Variants in SLC14A2 observed in about 807,000 individuals in gnomAD.
SLC14A2 encodes the protein solute carrier family 14 member 2, also known as urea transporter 2.
Under a neutral mutation model 104.6 loss-of-function variants are expected in SLC14A2, and 91 were observed. The observed-to-expected ratio is 0.87, with a 90% CI of 0.73 to 1.04. SLC14A2 has a LOEUF of 1.04. Ranked by LOEUF, SLC14A2 falls within the 50% of genes least tolerant of loss-of-function variation. The pLI is 0.00. For synonymous variants in SLC14A2, 476 were observed against 466.4 expected (o/e 1.02, Z -0.27); for missense variants, 1,189 against 1,156.0 (o/e 1.03, Z -0.41).
At chr18:45,366,401 ACAAT>A (rs2144340904) in intron 1 of SLC14A2, among the ~76,000 whole-genome samples, 1 of 152,272 alleles carries the variant, frequency 6.6e-6, no homozygotes, top group African/African-American at 2.4e-5. Context: ...AAGGCATGTG[ACAAT>A]CAGAGAGACA....
In SLC14A2 at chr18:45,682,567, C is replaced by T. The variant is rs3745007; in HGVS notation, c.*48C>T. 5.4e-5 allele frequency: 81 copies of T among 1,497,396 alleles called. No individual in the cohort carries two copies. The highest frequency in any genetic ancestry group is 6.9e-5 in the Non-Finnish European group (74 of 1,074,086). 92.8% of individuals were successfully genotyped at this position (1,497,396 alleles called of 1,614,324 possible). ...AGTGTAAATTCAGGCTTCAGCACGC[C>T]GTCCAGATCCCCAGGATAAGAGACC... is the stretch of plus-strand genomic sequence containing the variant. On this transcript the variant is annotated 3_prime_UTR_variant, in exon 20 of 20. Coordinates refer to ENST00000255226, the MANE Select transcript of SLC14A2 (RefSeq NM_007163.4).
rs72437878 is a variant in SLC14A2 at position 45,678,954 on chromosome 18, CTTTTT to C, written c.2513-9_2513-5del. ...TAAATAGTTACTGGTCTATTTCTTT[CTTTTT>C]TTTTTTTTTTTCTAGCACTGTTTGC... On this transcript the variant is annotated splice_polypyrimidine_tract_variant and intron_variant, in intron 18 of 19. Transcript: ENST00000255226. 12 of 1,435,806 alleles carry C rather than the reference CTTTTT, an allele frequency of 8.4e-6. No homozygotes were observed. Among genetic ancestry groups the C allele is most frequent in the South Asian group, 1.3e-5 (1 of 76,882 alleles). The allele number at this position is 1,435,806 out of a possible 1,614,324, so 88.9% of individuals were successfully genotyped here.
chr18:45,591,634 C>T (rs1228142107), intron 2 of SLC14A2, among the ~76,000 whole-genome samples: 3 of 152,132 alleles, frequency 2.0e-5, no homozygotes, highest in African/African-American at 7.2e-5. Flanking sequence ...CACGCCCAGC[C>T]GAGATAACAA....
intron 2 of SLC14A2, among the ~76,000 whole-genome samples, chr18:45,536,861 C>G (rs553485794): frequency 6.6e-6 from 1 of 152,196 alleles, no homozygotes; most frequent in South Asian, 2.1e-4. Context: ...TTCCCTGAAG[C>G]TGGTCTCAGC....
At chr18:45,237,334 A>G (rs1252571260) in intron 1 of SLC14A2, among the ~76,000 whole-genome samples, 4 of 152,114 alleles carry the variant, frequency 2.6e-5, no homozygotes, top group Non-Finnish European at 4.4e-5. Context: ...TGCCCAGGAG[A>G]GTGTCCCTGG....
intron 8 of SLC14A2, among the ~76,000 whole-genome samples, chr18:45,642,472 T>C (rs1352694929): frequency 1.3e-5 from 2 of 152,142 alleles, no homozygotes; most frequent in African/African-American, 4.8e-5. Flanking sequence ...TCTAGTAGGA[T>C]CTGAGTTGAC....
At chr18:45,590,442 G>T (rs2044632198) in intron 2 of SLC14A2, among the ~76,000 whole-genome samples, 1 of 152,134 alleles carries the variant, frequency 6.6e-6, no homozygotes. Flanking sequence ...TAAAACTATT[G>T]CATGTTTATT....
intron 1 of SLC14A2, among the ~76,000 whole-genome samples, chr18:45,333,587 C>G (rs1449563719): frequency 6.6e-6 from 1 of 152,198 alleles, no homozygotes; most frequent in African/African-American, 2.4e-5. Flanking sequence ...AATCAGTTAA[C>G]TCATGAATCT....
At chr18:45,609,001 T>A (rs570306743) in intron 2 of SLC14A2, among the ~76,000 whole-genome samples, 1 of 152,296 alleles carries the variant, frequency 6.6e-6, no homozygotes, top group African/African-American at 2.4e-5. Flanking sequence ...AGAGCCCTAG[T>A]GTTGCTTCTC....
At chr18:45,659,405 A>G (rs1386723061) in intron 10 of SLC14A2, among the ~76,000 whole-genome samples, 1 of 152,236 alleles carries the variant, frequency 6.6e-6, no homozygotes. Context: ...TCACCTCAAA[A>G]GAGCTTAGGG....
chr18:45,467,290 C>G (rs1477248949), intron 1 of SLC14A2, among the ~76,000 whole-genome samples: 5 of 152,212 alleles, frequency 3.3e-5, no homozygotes. Flanking sequence ...TCACGAATAA[C>G]TGGTATTGGA....
At chr18:45,610,966 C>T (rs190106833), upstream of SLC14A2, among the ~76,000 whole-genome samples, 3 of 152,238 alleles carry the variant, frequency 2.0e-5, no homozygotes, top group African/African-American at 4.8e-5. Flanking sequence ...TTACTGCCTG[C>T]GATGACCCTA....
chr18:45,436,421 G>A (rs1221681156), intron 1 of SLC14A2, among the ~76,000 whole-genome samples: 1 of 152,194 alleles, frequency 6.6e-6, no homozygotes, highest in African/African-American at 2.4e-5. Context: ...GAGCTGGAAA[G>A]GAGGGAATTT....
intron 1 of SLC14A2, among the ~76,000 whole-genome samples, chr18:45,368,821 T>G (rs1302222719): frequency 2.0e-5 from 3 of 152,174 alleles, no homozygotes; most frequent in Non-Finnish European, 4.4e-5. Context: ...GACACTGAAG[T>G]GTTCCGAGTA....
the SLC14A2 span, among the ~76,000 whole-genome samples, chr18:45,177,045 A>G: frequency 2.0e-5 from 3 of 152,240 alleles, no homozygotes; most frequent in Non-Finnish European, 2.9e-5. Context: ...ACTTATCTCA[A>G]TGAAAAACTC....
rs187458432 is a variant in SLC14A2, at chr18:45,672,256, G to T, written c.2230-644G>T. On this transcript the variant is annotated intron_variant, in intron 16 of 19. Coordinates refer to ENST00000255226, the MANE Select transcript of SLC14A2 (RefSeq NM_007163.4). ...CTTTAAAAAAAAATCATGGCCAGGCGTGGTGGCTCACGCCTGTAATCCCAG... is the reference window on the plus strand; with the variant it reads ...CTTTAAAAAAAAATCATGGCCAGGCTTGGTGGCTCACGCCTGTAATCCCAG... Among the ~76,000 whole-genome samples, 44 of 152,138 alleles carry T rather than the reference G, an allele frequency of 2.9e-4. 2 individuals carry two copies. The South Asian group carries it at 9.1e-3, about 32-fold the overall frequency.
At chr18:45,371,925 T>C (rs1258800479) in intron 1 of SLC14A2, among the ~76,000 whole-genome samples, 3 of 152,300 alleles carry the variant, frequency 2.0e-5, no homozygotes, top group East Asian at 1.9e-4. Flanking sequence ...CAGAGTTAAG[T>C]GTTCTTGAAA....
intron 1 of SLC14A2, among the ~76,000 whole-genome samples, chr18:45,404,747 A>G (rs1419567654): frequency 1.3e-5 from 2 of 152,194 alleles, no homozygotes; most frequent in African/African-American, 2.4e-5. Context: ...TGATGAGCAG[A>G]GTGTCCTTGG....
chr18:45,392,301 T>C (rs2085979105), intron 1 of SLC14A2, among the ~76,000 whole-genome samples: 2 of 152,134 alleles, frequency 1.3e-5, no homozygotes, highest in South Asian at 4.2e-4. Context: ...TATCTAAGGG[T>C]TTGATTTTGT....
Sources: allele counts gnomAD v4.1 joint callset (sites outside exome capture counted in the v4.1 genomes callset), GRCh38; gene constraint gnomAD v4.1.1; transcripts MANE v1.5; gene names NCBI Gene and HGNC (gene_info 2026-07-23, HGNC 2026-07-21).